The following HAO2 variants were observed in gnomAD, a reference collection of about 807,000 sequenced individuals.
HAO2 encodes the protein hydroxyacid oxidase 2.
A neutral mutation model predicts 37.4 loss-of-function variants in HAO2; 42 were observed. The observed-to-expected ratio is 1.12, with a 90% CI of 0.88 to 1.45. The LOEUF (loss-of-function observed/expected upper bound fraction) is 1.45. Ranked by LOEUF, HAO2 falls within the 40% of genes most tolerant of loss-of-function variation. HAO2 has a pLI of 0.00. For synonymous variants in HAO2, 180 were observed against 162.8 expected (o/e 1.11, Z -0.81); for missense variants, 476 against 430.2 (o/e 1.11, Z -0.94).
At chr1:119,377,366 C>T (rs1253553447) in intron 1 of HAO2, among the ~76,000 whole-genome samples, 1 of 152,168 alleles carries the variant, frequency 6.6e-6, no homozygotes, top group Non-Finnish European at 1.5e-5. Flanking sequence ...CTGAGACCAC[C>T]TCAGCCTGGA....
chr1:119,371,465 A>G (rs1373377254), intron 1 of HAO2, among the ~76,000 whole-genome samples: 2 of 152,154 alleles, frequency 1.3e-5, no homozygotes, highest in Non-Finnish European at 2.9e-5. Flanking sequence ...TTGAGTTATG[A>G]TTTTTTGAGG....
At chr1:119,386,515 C>T (rs2101246021) in intron 4 of HAO2, 107 bp from the exon 5 acceptor site, 1 of 727,430 alleles carries the variant, frequency 1.4e-6, no homozygotes, top group Non-Finnish European at 2.4e-6. Flanking sequence ...CCTGTTCTTC[C>T]TCCTTCCAGT....
rs780483581 is a variant in HAO2 at position 119,384,838 on chromosome 1, A to G, written c.346A>G (p.Ile116Val). The change falls in exon 4 of 8, where the codon ATT (isoleucine) becomes GTT (valine). Residue 116 changes from isoleucine (I) to valine (V), a missense_variant. Ile to Val is a conservative substitution (Grantham distance 29). Coordinates refer to ENST00000325945, the MANE Select transcript of HAO2 (RefSeq NM_016527.4). ...STFASCSLED[I>V]VIAAPEGLRW... ...ATTTGCCAGCTGTAGCCTTGAAGAC[A>G]TTGTCATTGCAGCTCCCGAAGGCCT... 1.2e-6 allele frequency: 2 copies of G among 1,613,830 alleles called. No individual in the cohort carries two copies. The highest frequency in any genetic ancestry group is 1.7e-5 in the Admixed American group (1 of 60,022).
intron 4 of HAO2, chr1:119,385,507 G>T: frequency 2.5e-6 from 2 of 815,898 alleles, no homozygotes; most frequent in Non-Finnish European, 3.0e-6. Flanking sequence ...GTCTAGACAG[G>T]CCAGGTTCTA....
In HAO2 at chr1:119,382,936, C is replaced by T. The variant is rs148827928; in HGVS notation, c.153C>T (p.Tyr51=). 1.9e-6 allele frequency: 3 copies of T among 1,613,596 alleles called. No individual in the cohort carries two copies. Among genetic ancestry groups the T allele is most frequent in the African/African-American group, 2.7e-5 (2 of 74,920 alleles). Residue 51 remains tyrosine (Y), a synonymous_variant, in exon 3 of 8, where the codon TAC becomes TAT. Transcript: ENST00000325945. ...AFKRIRLRPR[Y]LRDVSEVDTR... is the part of the protein sequence containing the mutation. ...ACAGAATTCGCCTCCGTCCGCGGTA[C>T]CTGAGAGATGTGTCTGAGGTGGACA...
intron 1 of HAO2, among the ~76,000 whole-genome samples, chr1:119,377,611 A>G (rs1297495131): frequency 3.3e-5 from 5 of 152,216 alleles, no homozygotes; most frequent in Non-Finnish European, 7.3e-5. Flanking sequence ...TAAAAGAAAT[A>G]CTTCAGACTA....
At chr1:119,391,254 C>T (rs1650866242) in intron 5 of HAO2, among the ~76,000 whole-genome samples, 1 of 152,144 alleles carries the variant, frequency 6.6e-6, no homozygotes, top group Non-Finnish European at 1.5e-5. Flanking sequence ...GGCCATCCCT[C>T]AGAGAAGCAC....
At chr1:119,384,669 C>G (rs968409397) in intron 3 of HAO2, 107 bp from the exon 4 acceptor site, 7 of 836,344 alleles carry the variant, frequency 8.4e-6, no homozygotes, top group Non-Finnish European at 1.3e-5. Flanking sequence ...TAAGCTTTAT[C>G]TGCATTCATG....
chr1:119,382,103 CTTAG>C lies in HAO2; in HGVS notation c.132-807_132-804del, dbSNP rs758120310. Among the ~76,000 whole-genome samples, 16 of 152,270 alleles carry C rather than the reference CTTAG, an allele frequency of 1.1e-4. No homozygotes were observed. In the South Asian group the frequency reaches 1.9e-3, roughly 18 times the overall value. ...GAGCCCTATATTCTGTATTTTCATA[CTTAG>C]TTAGCACTATACGAGGCACCTTACA... On this transcript the variant is annotated intron_variant, in intron 2 of 7. Coordinates refer to ENST00000325945, the MANE Select transcript of HAO2 (RefSeq NM_016527.4).
intron 1 of HAO2, among the ~76,000 whole-genome samples, chr1:119,374,052 G>A (rs1649249468): frequency 2.0e-5 from 3 of 152,086 alleles, no homozygotes; most frequent in Admixed American, 2.0e-4. Context: ...CCATACAAAT[G>A]CCATCCTTGA....
At chr1:119,376,428 C>T (rs587639704) in intron 1 of HAO2, among the ~76,000 whole-genome samples, 2 of 152,304 alleles carry the variant, frequency 1.3e-5, no homozygotes, top group East Asian at 3.9e-4. Context: ...CTTCCACAGG[C>T]TAATGTTGAG....
At chr1:119,387,294 A>T (rs957394143) in intron 5 of HAO2, among the ~76,000 whole-genome samples, 1 of 152,234 alleles carries the variant, frequency 6.6e-6, no homozygotes, top group Non-Finnish European at 1.5e-5. Context: ...TCATAAATTT[A>T]TGTTCATTAT....
Position 119,381,073 on chromosome 1 carries a change from G to T in HAO2, c.-8-5G>T. The T allele has an allele frequency of 6.2e-7, 1 of 1,612,938 alleles. No homozygotes were observed. The highest frequency in any genetic ancestry group is 2.2e-5 in the East Asian group (1 of 44,874). On this transcript the variant is annotated splice_polypyrimidine_tract_variant and splice_region_variant and intron_variant, in intron 1 of 7. Transcript: ENST00000325945. Reference sequence around the variant, plus strand: ...TTTGGTTTGGTTTTGTTTTCTCCTTGGAAGGTCCAGAAATGTCCTTGGTGT... The same window carrying T: ...TTTGGTTTGGTTTTGTTTTCTCCTTTGAAGGTCCAGAAATGTCCTTGGTGT...
At chr1:119,384,733 A>T in intron 3 of HAO2, 43 bp from the exon 4 acceptor site, 3 of 1,584,946 alleles carry the variant, frequency 1.9e-6, no homozygotes, top group Non-Finnish European at 2.6e-6. Context: ...CCCAGTCCAG[A>T]GGCCTCTGCC....
At chr1:119,381,813 A>G (rs1649969485) in intron 2 of HAO2, among the ~76,000 whole-genome samples, 1 of 152,202 alleles carries the variant, frequency 6.6e-6, no homozygotes, top group Admixed American at 6.5e-5. Context: ...GGGAGTCAAA[A>G]GAAGAATAAT....
At chr1:119,376,892 A>C (rs10923804) in intron 1 of HAO2, among the ~76,000 whole-genome samples, 99,011 of 152,034 alleles carry the variant, frequency 0.65, 32,380 homozygotes, top group East Asian at 0.7. Flanking sequence ...TCTTAGGCCT[A>C]CAGTCCTATG....
chr1:119,382,617 T>C (rs920235797), intron 2 of HAO2, among the ~76,000 whole-genome samples: 1 of 152,136 alleles, frequency 6.6e-6, no homozygotes, highest in Non-Finnish European at 1.5e-5. Flanking sequence ...GAGGCATGAC[T>C]CAAAGACACA....
At chr1:119,371,535 C>T (rs1454699383) in intron 1 of HAO2, among the ~76,000 whole-genome samples, 1 of 152,180 alleles carries the variant, frequency 6.6e-6, no homozygotes, top group Non-Finnish European at 1.5e-5. Context: ...CGTGCCAACT[C>T]TGTCATTCCA....
chr1:119,392,406 T>G, intron 6 of HAO2, 138 bp downstream of exon 6: 2 of 775,838 alleles, frequency 2.6e-6, no homozygotes, highest in Non-Finnish European at 4.3e-6. Context: ...TGCATCTCCA[T>G]GCTTCTTCTG....
Sources: gnomAD v4.1 joint callset for allele counts (sites outside exome capture counted in the v4.1 genomes callset) on GRCh38, gnomAD v4.1.1 for gene constraint, MANE v1.5 for transcripts, NCBI Gene and HGNC (gene_info 2026-07-23, HGNC 2026-07-21) for gene names.